The following IQCJ variants were observed in gnomAD, a reference collection of about 807,000 sequenced individuals.
IQCJ encodes the protein IQ domain-containing protein J.
IQCJ carries 9 observed loss-of-function variants against 11.0 expected under a neutral mutation model. The ratio of observed to expected loss-of-function variants is 0.82; its 90% CI spans 0.49 to 1.43. The LOEUF (loss-of-function observed/expected upper bound fraction) is 1.43, where lower values mean the gene tolerates loss of function less well. IQCJ is among the 40% of genes most tolerant of loss of function. The pLI, the probability that IQCJ is intolerant of heterozygous loss-of-function variation, is 0.00. For missense variants in IQCJ, 146 were observed against 133.2 expected, an observed-to-expected ratio of 1.10 and a Z score of -0.47; for synonymous variants, 55 against 51.3, an observed-to-expected ratio of 1.07 and a Z score of -0.31.
intron 1 of IQCJ, among the ~76,000 whole-genome samples, chr3:159,136,008 C>T (rs1720268736): frequency 6.6e-6 from 1 of 152,176 alleles, no homozygotes; most frequent in Admixed American, 6.5e-5. Context: ...TCACTATCCT[C>T]ACTTACAGAA....
intron 1 of IQCJ, among the ~76,000 whole-genome samples, chr3:159,150,599 C>A (rs1482062236): frequency 1.3e-5 from 2 of 151,330 alleles, no homozygotes; most frequent in African/African-American, 4.9e-5. Flanking sequence ...CACACACACA[C>A]ACACACACAC....
intron 1 of IQCJ, among the ~76,000 whole-genome samples, chr3:159,121,138 C>CTT (rs1206910456): frequency 1.2e-4 from 15 of 123,614 alleles, no homozygotes; most frequent in African/African-American, 4.3e-4. Flanking sequence ...TTTCTTTTTT[C>CTT]TTTTTTTTTT....
intron 1 of IQCJ, among the ~76,000 whole-genome samples, chr3:159,136,938 C>T (rs12635219): frequency 6.6e-6 from 1 of 151,942 alleles, no homozygotes; most frequent in African/African-American, 2.4e-5. Flanking sequence ...GGTTCTGTGT[C>T]GGGTGATGCC....
intron 1 of IQCJ, among the ~76,000 whole-genome samples, chr3:159,145,205 A>G (rs1042441075): frequency 6.6e-6 from 1 of 152,232 alleles, no homozygotes; most frequent in African/African-American, 2.4e-5. Context: ...GATTGTTGCT[A>G]TGGTGATTTC....
chr3:159,094,949 C>T (rs1253193062), intron 1 of IQCJ, among the ~76,000 whole-genome samples: 3 of 151,898 alleles, frequency 2.0e-5, no homozygotes, highest in Non-Finnish European at 4.4e-5. Context: ...ACTGCTGCCT[C>T]ATGAGAACAT....
chr3:159,232,701 G>T (rs760236044), intron 1 of IQCJ, among the ~76,000 whole-genome samples: 3 of 152,154 alleles, frequency 2.0e-5, no homozygotes, highest in Admixed American at 6.5e-5. Flanking sequence ...ATATTCTGTT[G>T]ATTTGGGGTG....
intron 1 of IQCJ, among the ~76,000 whole-genome samples, chr3:159,132,055 C>T (rs1720023838): frequency 6.6e-6 from 1 of 152,168 alleles, no homozygotes; most frequent in Non-Finnish European, 1.5e-5. Flanking sequence ...CATAGATCCT[C>T]ACCCTCTGTT....
intron 1 of IQCJ, among the ~76,000 whole-genome samples, chr3:159,106,091 G>T (rs1718239656): frequency 6.6e-6 from 1 of 152,158 alleles, no homozygotes; most frequent in South Asian, 2.1e-4. Context: ...CATGGAATGT[G>T]TGTATGTAGG....
chr3:159,084,137 TA>T (rs1385387630), intron 1 of IQCJ, among the ~76,000 whole-genome samples: 28 of 152,096 alleles, frequency 1.8e-4, no homozygotes, highest in African/African-American at 6.5e-4. Context: ...TATTATACTA[TA>T]TTTATGTAAG....
intron 1 of IQCJ, among the ~76,000 whole-genome samples, chr3:159,235,618 A>G (rs2108165348): frequency 6.6e-6 from 1 of 152,310 alleles, no homozygotes; most frequent in African/African-American, 2.4e-5. Context: ...GTACCCTTCC[A>G]GAAGTACCCT....
intron 1 of IQCJ, among the ~76,000 whole-genome samples, chr3:159,215,145 TG>T (rs1725158034): frequency 6.6e-6 from 1 of 152,168 alleles, no homozygotes; most frequent in Non-Finnish European, 1.5e-5. Flanking sequence ...TGGTTATACC[TG>T]AGTGTGTTTA....
intron 1 of IQCJ, among the ~76,000 whole-genome samples, chr3:159,199,058 T>C (rs774031120): frequency 1.6e-4 from 25 of 152,252 alleles, no homozygotes; most frequent in Middle Eastern, 3.4e-3. Context: ...ACAGGAAACA[T>C]TGTGGTGGTA....
chr3:159,265,356 C>T (rs777399497), downstream of IQCJ: 3 of 1,613,638 alleles, frequency 1.9e-6, no homozygotes, highest in Non-Finnish European at 2.5e-6. Context: ...CATACATACT[C>T]TCAAGGAGCC....
rs963714544 is a variant in IQCJ at position 159,069,453 on chromosome 3, G to A, written c.9+12G>A. 6.2e-7 allele frequency: 1 copy of A among 1,607,954 alleles called. No individual in the cohort carries two copies. The highest frequency in any genetic ancestry group is 8.5e-7 in the Non-Finnish European group (1 of 1,177,628). Reference sequence around the variant, plus strand: ...TCAAAATGCGTCTGGTAATGTATTTGCTTTTCTAAACGTGCCACTTTGATG... The same window carrying A: ...TCAAAATGCGTCTGGTAATGTATTTACTTTTCTAAACGTGCCACTTTGATG... On this transcript the variant is annotated intron_variant, in intron 1 of 3. Transcript: ENST00000397832.
intron 1 of IQCJ, among the ~76,000 whole-genome samples, chr3:159,143,254 T>G (rs1158492392): frequency 6.6e-6 from 1 of 152,202 alleles, no homozygotes; most frequent in Non-Finnish European, 1.5e-5. Context: ...CATTTAAAGA[T>G]TCAGGGCCTA....
At chr3:159,258,716 A>C (rs1728039036) in intron 3 of IQCJ, among the ~76,000 whole-genome samples, 1 of 152,230 alleles carries the variant, frequency 6.6e-6, no homozygotes, top group African/African-American at 2.4e-5. Context: ...AACATATAAA[A>C]AATAGTACTT....
chr3:159,181,771 C>T (rs1323524642), intron 1 of IQCJ, among the ~76,000 whole-genome samples: 2 of 151,754 alleles, frequency 1.3e-5, no homozygotes, highest in Non-Finnish European at 2.9e-5. Context: ...CTAATCTGTC[C>T]AATTCTGTGT....
intron 1 of IQCJ, among the ~76,000 whole-genome samples, chr3:159,155,931 T>C (rs1199388506): frequency 6.6e-6 from 1 of 152,188 alleles, no homozygotes; most frequent in East Asian, 1.9e-4. Context: ...TATTAAGTGG[T>C]TGTAGATCAT....
rs374303484 is a variant in IQCJ, at chr3:159,088,025, A to G, written c.9+18584A>G. On this transcript the variant is annotated intron_variant, in intron 1 of 3. Transcript: ENST00000397832. ...ATTGTGATGTTAGGGTGTCAATTTT[A>G]GATCTTTCCTGCTTTCTCTTGTGGG... 2.6e-3 allele frequency among the ~76,000 whole-genome samples: 391 copies of G among 151,872 alleles called. 3 individuals are homozygous for G. Among genetic ancestry groups the G allele is most frequent in the African/African-American group, 9.1e-3 (375 of 41,356 alleles).
Sources: allele counts gnomAD v4.1 joint callset (sites outside exome capture counted in the v4.1 genomes callset), GRCh38; gene constraint gnomAD v4.1.1; transcripts MANE v1.5; gene names NCBI Gene and HGNC (gene_info 2026-07-23, HGNC 2026-07-21).